The following CNTN4 variants were observed in gnomAD, a reference collection of about 807,000 sequenced individuals.
The protein encoded by CNTN4 is contactin 4.
In CNTN4, 77 loss-of-function variants were observed where a neutral mutation model predicts 122.5. That is an observed-to-expected ratio of 0.63 (90% CI 0.52 to 0.76). The LOEUF is 0.76. Ranked by LOEUF, CNTN4 falls within the 30% of genes least tolerant of loss-of-function variation. The probability of loss-of-function intolerance (pLI) is 0.00; values close to 1 mark genes in which losing one functional copy is unlikely to be tolerated. For missense variants in CNTN4, 1,256 were observed against 1,259.1 expected (o/e 1.00, Z 0.04); for synonymous variants, 512 against 447.0 (o/e 1.15, Z -1.83).
chr3:2,982,635 A>T (rs1694137945), intron 13 of CNTN4, among the ~76,000 whole-genome samples: 1 of 152,058 alleles, frequency 6.6e-6, no homozygotes, highest in African/African-American at 2.4e-5. Flanking sequence ...GTTTTCTCAA[A>T]GAGCTCCTGG....
intron 3 of CNTN4, among the ~76,000 whole-genome samples, chr3:2,373,359 A>G (rs1296777714): frequency 2.6e-5 from 4 of 152,218 alleles, no homozygotes; most frequent in African/African-American, 9.7e-5. Flanking sequence ...TCATCCCTAA[A>G]AGGGAGGACT....
chr3:3,006,677 C>T (rs1034774180), intron 14 of CNTN4, among the ~76,000 whole-genome samples: 8 of 152,114 alleles, frequency 5.3e-5, no homozygotes, highest in African/African-American at 9.7e-5. Context: ...AAACAGAGGT[C>T]GTCAATGGGG....
intron 6 of CNTN4, among the ~76,000 whole-genome samples, chr3:2,764,511 C>G (rs73807920): frequency 0.013 from 1,955 of 152,238 alleles, 37 homozygotes; most frequent in African/African-American, 0.045. Context: ...TGCAGCAGAG[C>G]AGAAAGTGGT....
At chr3:2,275,919 C>CAAAAAAAAAA in intron 2 of CNTN4, among the ~76,000 whole-genome samples, 1 of 107,058 alleles carries the variant, frequency 9.3e-6, no homozygotes, top group Non-Finnish European at 1.8e-5. Context: ...GACTCTGTCT[C>CAAAAAAAAAA]AAAAAAAAAA....
chr3:2,659,316 G>C (rs1313928373), intron 4 of CNTN4, among the ~76,000 whole-genome samples: 1 of 151,810 alleles, frequency 6.6e-6, no homozygotes, highest in Non-Finnish European at 1.5e-5. Context: ...ACAAAAATTA[G>C]CCAGGTGTAA....
intron 13 of CNTN4, among the ~76,000 whole-genome samples, chr3:2,974,935 G>T (rs1693283665): frequency 6.6e-6 from 1 of 152,124 alleles, no homozygotes; most frequent in Admixed American, 6.5e-5. Context: ...GGCCAATATT[G>T]CTATTTGTCT....
chr3:2,802,507 A>G (rs2092372618), intron 6 of CNTN4, among the ~76,000 whole-genome samples: 1 of 152,232 alleles, frequency 6.6e-6, no homozygotes, highest in South Asian at 2.1e-4. Context: ...CGTGCCTTAC[A>G]GAAAAAATAC....
intron 2 of CNTN4, among the ~76,000 whole-genome samples, chr3:2,327,480 A>G (rs1422717310): frequency 6.6e-6 from 1 of 152,176 alleles, no homozygotes; most frequent in Non-Finnish European, 1.5e-5. Context: ...TTTAGCGTTC[A>G]GGAGGCACTT....
chr3:2,956,259 G>A (rs1480193012), intron 13 of CNTN4, among the ~76,000 whole-genome samples: 1 of 152,112 alleles, frequency 6.6e-6, no homozygotes, highest in African/African-American at 2.4e-5. Context: ...ACAGAAAGTA[G>A]GATAATGGTT....
chr3:2,383,521 AAC>A (rs1233962283), intron 3 of CNTN4, among the ~76,000 whole-genome samples: 1 of 152,156 alleles, frequency 6.6e-6, no homozygotes, highest in Non-Finnish European at 1.5e-5. Context: ...TGTCCCAGGT[AAC>A]ACAGCACAAA....
intron 15 of CNTN4, among the ~76,000 whole-genome samples, chr3:3,028,400 C>CCTCA (rs1698906845): frequency 6.6e-6 from 1 of 152,074 alleles, no homozygotes. Flanking sequence ...TTACCTCACT[C>CCTCA]CTCACTCTAT....
chr3:2,213,466 G>A (rs1308480808), intron 2 of CNTN4, among the ~76,000 whole-genome samples: 1 of 152,138 alleles, frequency 6.6e-6, no homozygotes, highest in African/African-American at 2.4e-5. Context: ...GTAAGCAGAT[G>A]TGTGTTATTT....
intron 2 of CNTN4, among the ~76,000 whole-genome samples, chr3:2,261,132 A>G (rs891181263): frequency 6.6e-6 from 1 of 152,176 alleles, no homozygotes; most frequent in Non-Finnish European, 1.5e-5. Context: ...AACACATCAC[A>G]TTTGGAGGTA....
chr3:2,436,686 C>T (rs1452215656), intron 3 of CNTN4, among the ~76,000 whole-genome samples: 1 of 151,790 alleles, frequency 6.6e-6, no homozygotes, highest in Non-Finnish European at 1.5e-5. Flanking sequence ...TATATTCATT[C>T]TCACTACAGT....
chr3:2,835,004 A>C (rs1005611600), intron 7 of CNTN4, among the ~76,000 whole-genome samples: 37 of 142,048 alleles, frequency 2.6e-4, no homozygotes, highest in African/African-American at 8.9e-4. Flanking sequence ...TCCCGGGTTC[A>C]CACCATTCTC....
intron 2 of CNTN4, among the ~76,000 whole-genome samples, chr3:2,167,508 CAT>C (rs2036252874): frequency 6.6e-6 from 1 of 152,102 alleles, no homozygotes; most frequent in Admixed American, 6.5e-5. Context: ...GAATTGGAAA[CAT>C]AAACATTCAA....
chr3:2,524,708 G>T (rs1432925606), intron 3 of CNTN4, among the ~76,000 whole-genome samples: 1 of 152,048 alleles, frequency 6.6e-6, no homozygotes, highest in African/African-American at 2.4e-5. Context: ...TCTGTCTTCA[G>T]TAGTGGCACA....
chr3:2,120,368 T>A (rs1471114073), intron 2 of CNTN4, among the ~76,000 whole-genome samples: 5 of 49,194 alleles, frequency 1.0e-4, no homozygotes, highest in African/African-American at 2.5e-4. Flanking sequence ...TATATATATA[T>A]ATATAAATAT....
At chr3:2,527,538 A>C (rs190122606) in intron 3 of CNTN4, among the ~76,000 whole-genome samples, 1 of 152,140 alleles carries the variant, frequency 6.6e-6, no homozygotes, top group Non-Finnish European at 1.5e-5. Flanking sequence ...TGTGTTGAGG[A>C]GATGGGATTT....
Sources: allele counts gnomAD v4.1 joint callset (sites outside exome capture counted in the v4.1 genomes callset), GRCh38; gene constraint gnomAD v4.1.1; transcripts MANE v1.5; gene names NCBI Gene and HGNC (gene_info 2026-07-23, HGNC 2026-07-21).